The following PCNX2 variants were observed in gnomAD, a reference collection of about 807,000 sequenced individuals.
PCNX2 encodes the protein pecanex 2.
PCNX2 carries 168 observed loss-of-function variants against 223.8 expected under a neutral mutation model. The observed-to-expected ratio is 0.75, with a 90% CI of 0.66 to 0.85. The LOEUF is 0.85. Ranked by LOEUF, PCNX2 falls within the 40% of genes least tolerant of loss-of-function variation. The pLI, the probability that PCNX2 is intolerant of heterozygous loss-of-function variation, is 0.00. For missense variants in PCNX2, 2,507 were observed against 2,675.5 expected, an observed-to-expected ratio of 0.94 and a Z score of 1.39; for synonymous variants, 1,006 against 1,052.6, an observed-to-expected ratio of 0.96 and a Z score of 0.86.
chr1:233,077,618 CAA>C (rs1302570435), intron 23 of PCNX2, among the ~76,000 whole-genome samples: 5 of 152,188 alleles, frequency 3.3e-5, no homozygotes, highest in African/African-American at 1.2e-4. Flanking sequence ...GCCTCTCTCA[CAA>C]AGTCTTCCCT....
chr1:233,219,836 G>T (rs141165431), intron 10 of PCNX2, among the ~76,000 whole-genome samples: 1 of 152,026 alleles, frequency 6.6e-6, no homozygotes, highest in Admixed American at 6.6e-5. Flanking sequence ...GTTCACTCTT[G>T]GTGGTGTACA....
rs1670487841 is a variant in PCNX2, at chr1:233,012,091, A to C, written c.4952+2574T>G. ...TTGCTTGCAGGAAGAAATCCCACATATATTGGGGCCACAGAAGTCTTCTGT... is the reference window on the plus strand; with the variant it reads ...TTGCTTGCAGGAAGAAATCCCACATCTATTGGGGCCACAGAAGTCTTCTGT... On this transcript the variant is annotated intron_variant, in intron 28 of 33. Transcript: ENST00000258229. Among the ~76,000 whole-genome samples the C allele has an allele frequency of 2.0e-5, 3 of 152,158 alleles. No homozygotes were observed. The South Asian group carries it at 6.2e-4, about 32-fold the overall frequency.
chr1:233,282,647 T>C (rs1251706041), intron 1 of PCNX2, among the ~76,000 whole-genome samples: 1 of 152,146 alleles, frequency 6.6e-6, no homozygotes, highest in Non-Finnish European at 1.5e-5. Flanking sequence ...TATCCATGAT[T>C]CTCCATCTTT....
intron 19 of PCNX2, 40 bp downstream of exon 19, chr1:233,160,243 C>A (rs1199886076): frequency 6.5e-7 from 1 of 1,531,848 alleles, no homozygotes; most frequent in Non-Finnish European, 9.0e-7. Context: ...ATACCTACCC[C>A]TCCTTTTTTT....
intron 25 of PCNX2, among the ~76,000 whole-genome samples, chr1:233,027,561 T>G (rs1305125144): frequency 6.6e-6 from 1 of 152,212 alleles, no homozygotes; most frequent in African/African-American, 2.4e-5. Flanking sequence ...CCAACTCTTA[T>G]CTCTAAAATT....
At chr1:233,027,506 T>C (rs1671121353) in intron 25 of PCNX2, among the ~76,000 whole-genome samples, 1 of 152,226 alleles carries the variant, frequency 6.6e-6, no homozygotes, top group Non-Finnish European at 1.5e-5. Context: ...AGTTTCATTA[T>C]TTTTCCTCCA....
chr1:233,120,179 AAAAAAGAAAT>A (rs1675696359), intron 21 of PCNX2, among the ~76,000 whole-genome samples: 1 of 146,876 alleles, frequency 6.8e-6, no homozygotes, highest in Non-Finnish European at 1.5e-5. Flanking sequence ...AAAAAAAAAA[AAAAAAGAAAT>A]AAAAAGAAAA....
chr1:233,291,310 T>C (rs1661749189), intron 1 of PCNX2, among the ~76,000 whole-genome samples: 1 of 152,040 alleles, frequency 6.6e-6, no homozygotes, highest in South Asian at 2.1e-4. Context: ...GGCCACACAA[T>C]TGATAAGAGG....
rs7520092 is a variant in PCNX2 at position 233,246,982 on chromosome 1, A to G, written c.2222+3757T>C. On this transcript the variant is annotated intron_variant, in intron 8 of 33. Transcript: ENST00000258229. Reference sequence around the variant, plus strand: ...GCTTCTGCAAAAGACAAAGCTTATTACAAATCCAAAGAACTTAGCCCCCCA... The same window carrying G: ...GCTTCTGCAAAAGACAAAGCTTATTGCAAATCCAAAGAACTTAGCCCCCCA... 2.6e-5 allele frequency among the ~76,000 whole-genome samples: 4 copies of G among 152,368 alleles called. No homozygotes were observed. The East Asian group carries it at 7.7e-4, about 29-fold the overall frequency.
At chr1:233,232,734 T>C in intron 9 of PCNX2, 2 of 846,478 alleles carry the variant, frequency 2.4e-6, no homozygotes, top group Non-Finnish European at 2.8e-6. Context: ...TAGTAAATTG[T>C]GATGTAAATG....
At chr1:233,061,203 A>T (rs72762082) in intron 23 of PCNX2, among the ~76,000 whole-genome samples, 9,423 of 152,254 alleles carry the variant, frequency 0.062, 443 homozygotes, top group African/African-American at 0.13. Context: ...CTGTAATTCT[A>T]TTCATAGGCA....
rs1260598822 is a variant in PCNX2 at position 233,160,300 on chromosome 1, T to C, written c.3500A>G (p.His1167Arg). The C allele has an allele frequency of 5.6e-6, 9 of 1,613,516 alleles. No individual in the cohort carries two copies. Among genetic ancestry groups the C allele is most frequent in the Middle Eastern group, 1.6e-4 (1 of 6,078 alleles). ...SHPILKNKEY[H>R]QREVRDVAHL... ...TTACTAACCTCTCACTTCCCGTTGA[T>C]GATACTCTTTGTTTTTGAGAATGGG... The change falls in exon 19 of 34, where the codon CAT becomes CGT. Residue 1167 changes from histidine to arginine, a missense_variant. By Grantham distance (29) the His-to-Arg change is conservative. Transcript: ENST00000258229.
intron 21 of PCNX2, among the ~76,000 whole-genome samples, chr1:233,120,195 G>GA (rs1675699406): frequency 3.4e-5 from 4 of 117,570 alleles, no homozygotes; most frequent in South Asian, 2.6e-4. Context: ...GAAATAAAAA[G>GA]AAAAAAGAAA....
chr1:233,183,711 A>T (rs1035825190), intron 15 of PCNX2, among the ~76,000 whole-genome samples: 1 of 152,218 alleles, frequency 6.6e-6, no homozygotes, highest in Non-Finnish European at 1.5e-5. Context: ...GGACAGAGAG[A>T]GTCTTGGAAA....
chr1:233,185,131 A>C (rs1395172060), intron 15 of PCNX2, among the ~76,000 whole-genome samples: 2 of 129,636 alleles, frequency 1.5e-5, no homozygotes, highest in Admixed American at 7.8e-5. Context: ...ACACACACAC[A>C]TCCCTCAGAT....
chr1:232,987,497 G>A (rs1237705660), intron 32 of PCNX2, among the ~76,000 whole-genome samples: 1 of 152,178 alleles, frequency 6.6e-6, no homozygotes, highest in Non-Finnish European at 1.5e-5. Context: ...TCTATGAACG[G>A]CATCATGGGC....
intron 20 of PCNX2, among the ~76,000 whole-genome samples, chr1:233,135,837 A>G (rs921143148): frequency 6.6e-6 from 1 of 152,194 alleles, no homozygotes; most frequent in African/African-American, 2.4e-5. Flanking sequence ...GTTTAAAATT[A>G]TATCATCAAT....
chr1:233,097,246 T>G (rs568498021), intron 21 of PCNX2, among the ~76,000 whole-genome samples: 9 of 151,420 alleles, frequency 5.9e-5, no homozygotes, highest in Non-Finnish European at 1.3e-4. Context: ...GCTGAAGAAT[T>G]TTAGATAGAA....
intron 26 of PCNX2, among the ~76,000 whole-genome samples, chr1:233,021,496 A>G (rs1670888289): frequency 7.2e-6 from 1 of 137,980 alleles, no homozygotes; most frequent in South Asian, 2.1e-4. Context: ...CTCTTTCTCA[A>G]AAAAAGAAAA....
Sources: allele counts gnomAD v4.1 joint callset (sites outside exome capture counted in the v4.1 genomes callset), GRCh38; gene constraint gnomAD v4.1.1; transcripts MANE v1.5; gene names NCBI Gene and HGNC (gene_info 2026-07-23, HGNC 2026-07-21).